TMEM114: variants seen among roughly 807,000 people sequenced by gnomAD.
The protein encoded by TMEM114 is transmembrane protein 114, also known as claudin-26.
In TMEM114, 6 loss-of-function variants were observed where a neutral mutation model predicts 6.2. That is an observed-to-expected ratio of 0.97 (90% CI 0.53 to 1.91). The LOEUF is 1.91. Among genes scored for constraint, TMEM114 ranks in the 40% most tolerant of loss-of-function variants. The pLI is 0.01. For synonymous variants in TMEM114, 104 were observed against 73.0 expected (o/e 1.42, Z -2.16); for missense variants, 218 against 158.3 (o/e 1.38, Z -2.02).
intron 2 of TMEM114, among the ~76,000 whole-genome samples, chr16:8,541,962 C>T (rs568892777): frequency 2.0e-5 from 3 of 152,278 alleles, no homozygotes; most frequent in South Asian, 4.1e-4. Flanking sequence ...ACAGTGGCCC[C>T]ATATGAACTT....
chr16:8,536,815 T>C (rs1017290035), downstream of TMEM114, among the ~76,000 whole-genome samples: 17 of 152,114 alleles, frequency 1.1e-4, no homozygotes, highest in South Asian at 2.1e-4. Context: ...CCTTAGTCAG[T>C]AGTAAAAGGC....
the TMEM114 span, among the ~76,000 whole-genome samples, chr16:8,529,808 C>T: frequency 6.6e-6 from 1 of 152,044 alleles, no homozygotes; most frequent in Non-Finnish European, 1.5e-5. Context: ...GTGTCTTGGG[C>T]ATGTGGAGAG....
rs1567208915 is a variant in TMEM114 at position 8,576,738 on chromosome 16, G to GGAAGGAAGGAAGGAAGGAAGGAAGGAAA, written c.302-4515_302-4514insTTTCCTTCCTTCCTTCCTTCCTTCCTTC. On this transcript the variant is annotated intron_variant, in intron 2 of 3. Coordinates refer to ENST00000620492, the MANE Select transcript of TMEM114 (RefSeq NM_001146336.2). The stretch of plus-strand genomic sequence containing the variant: ...AGGAAGGAAGGAAGGAAGGAAGGAA[G>GGAAGGAAGGAAGGAAGGAAGGAAGGAAA]GAAGGAAGGAAGGAAGGAAGGAAGG... Among the ~76,000 whole-genome samples, 120 of 150,422 alleles carry GGAAGGAAGGAAGGAAGGAAGGAAGGAAA rather than the reference G, an allele frequency of 8.0e-4. 2 individuals carry two copies. Among genetic ancestry groups the GGAAGGAAGGAAGGAAGGAAGGAAGGAAA allele is most frequent in the African/African-American group, 2.8e-3 (117 of 41,054 alleles).
downstream of TMEM114, among the ~76,000 whole-genome samples, chr16:8,537,225 G>GC (rs750837604): frequency 6.6e-5 from 10 of 152,086 alleles, no homozygotes; most frequent in Non-Finnish European, 1.0e-4. Context: ...AACAGGCCAG[G>GC]CATGGTGGCT....
At chr16:8,555,496 C>T (rs1286195709) in intron 2 of TMEM114, among the ~76,000 whole-genome samples, 1 of 152,066 alleles carries the variant, frequency 6.6e-6, no homozygotes, top group African/African-American at 2.4e-5. Context: ...GTTGCCATGG[C>T]AAGGCAAGGG....
At chr16:8,577,986 C>T (rs1010387263) in intron 2 of TMEM114, among the ~76,000 whole-genome samples, 1 of 152,174 alleles carries the variant, frequency 6.6e-6, no homozygotes, top group South Asian at 2.1e-4. Context: ...CCTGGGGACA[C>T]CTCATCGAAC....
At chr16:8,568,048 A>G (rs114497621), downstream of TMEM114, among the ~76,000 whole-genome samples, 2,290 of 152,166 alleles carry the variant, frequency 0.015, 71 homozygotes, top group African/African-American at 0.053. Flanking sequence ...AAGTAGGGGG[A>G]GGACCATCTT....
chr16:8,548,102 G>A (rs1336356775), intron 2 of TMEM114, among the ~76,000 whole-genome samples: 1 of 152,152 alleles, frequency 6.6e-6, no homozygotes, highest in Non-Finnish European at 1.5e-5. Context: ...AAGACCCTCT[G>A]AAAAGCCTGT....
At chr16:8,567,570 G>A (rs141734725), downstream of TMEM114, among the ~76,000 whole-genome samples, 1 of 152,256 alleles carries the variant, frequency 6.6e-6, no homozygotes, top group Non-Finnish European at 1.5e-5. Context: ...CATAGGATGC[G>A]AGGAGCATCC....
chr16:8,538,305 AG>A (rs201309708), intron 2 of TMEM114, among the ~76,000 whole-genome samples: 8 of 151,570 alleles, frequency 5.3e-5, no homozygotes, highest in South Asian at 2.1e-4. Flanking sequence ...AAAAAAAAAA[AG>A]ACAGACATAT....
intron 2 of TMEM114, among the ~76,000 whole-genome samples, chr16:8,560,484 C>T (rs548605678): frequency 6.6e-6 from 1 of 152,300 alleles, no homozygotes; most frequent in African/African-American, 2.4e-5. Context: ...GTGGCCCATC[C>T]TCAGCGACTA....
At position 8,538,017 on chromosome 16, in the gene TMEM114, G is replaced by C. The variant is rs529687145; in HGVS notation, n.213-191C>G. 1.1e-4 allele frequency among the ~76,000 whole-genome samples: 16 copies of C among 151,784 alleles called. No individual in the cohort carries two copies. In the East Asian group the frequency reaches 2.9e-3, roughly 28 times the overall value. On this transcript the variant is annotated intron_variant and non_coding_transcript_variant, in intron 2 of 2. Transcript: ENST00000623677. ...CAATATTTAAACATTTTTGCCCTGAGACTGGGCGCCGTGACTTACACCTGT... is the reference window on the plus strand; with the variant it reads ...CAATATTTAAACATTTTTGCCCTGACACTGGGCGCCGTGACTTACACCTGT...
At chr16:8,587,572 C>T (rs927763609) in intron 2 of TMEM114, among the ~76,000 whole-genome samples, 2 of 152,202 alleles carry the variant, frequency 1.3e-5, no homozygotes, top group African/African-American at 2.4e-5. Flanking sequence ...CAAGAACTGG[C>T]CAAGGCCAGC....
chr16:8,563,643 G>C (rs1596479919), intron 2 of TMEM114, among the ~76,000 whole-genome samples: 1 of 151,116 alleles, frequency 6.6e-6, no homozygotes, highest in Admixed American at 6.6e-5. Flanking sequence ...ATGAGTAAAT[G>C]AGTGAGTGAA....
At chr16:8,532,409 C>T in the TMEM114 span, among the ~76,000 whole-genome samples, 3 of 152,094 alleles carry the variant, frequency 2.0e-5, no homozygotes, top group Non-Finnish European at 4.4e-5. Flanking sequence ...ACTTCTAGGA[C>T]TTCTGAATCT....
downstream of TMEM114, among the ~76,000 whole-genome samples, chr16:8,536,727 G>C (rs577272831): frequency 6.6e-6 from 1 of 151,954 alleles, no homozygotes; most frequent in East Asian, 1.9e-4. Context: ...TCATGTACCA[G>C]GCATTTAGCT....
At chr16:8,537,146 A>T (rs932370162), downstream of TMEM114, among the ~76,000 whole-genome samples, 1 of 152,040 alleles carries the variant, frequency 6.6e-6, no homozygotes, top group Non-Finnish European at 1.5e-5. Flanking sequence ...TTGAAGCTGC[A>T]GAGAGCTGTG....
chr16:8,568,724 T>A (rs528462352), downstream of TMEM114, among the ~76,000 whole-genome samples: 22 of 152,310 alleles, frequency 1.4e-4, no homozygotes, highest in African/African-American at 5.1e-4. Flanking sequence ...TCTCATGACT[T>A]GGAATCTTGC....
chr16:8,550,938 A>C (rs540361749), intron 2 of TMEM114, among the ~76,000 whole-genome samples: 11 of 152,318 alleles, frequency 7.2e-5, no homozygotes, highest in Admixed American at 2.0e-4. Context: ...GGGCACAGCT[A>C]TTCTGCATCT....
Sources: gnomAD v4.1 joint callset for allele counts (sites outside exome capture counted in the v4.1 genomes callset) on GRCh38, gnomAD v4.1.1 for gene constraint, MANE v1.5 for transcripts, NCBI Gene and HGNC (gene_info 2026-07-23, HGNC 2026-07-21) for gene names.